CEP85L: variants seen among roughly 807,000 people sequenced by gnomAD.
CEP85L encodes the protein centrosomal protein of 85 kDa-like.
Under a neutral mutation model 100.3 loss-of-function variants are expected in CEP85L, and 60 were observed. That is an observed-to-expected ratio of 0.60 (90% CI 0.49 to 0.74). The LOEUF (loss-of-function observed/expected upper bound fraction) is 0.74. CEP85L is among the 30% of genes least tolerant of loss of function. The pLI is 0.00. For synonymous variants in CEP85L, 319 were observed against 322.7 expected (o/e 0.99, Z 0.12); for missense variants, 973 against 936.2 (o/e 1.04, Z -0.51).
At chr6:118,537,684 T>C (rs770638716) in intron 3 of CEP85L, 35 of 985,402 alleles carry the variant, frequency 3.6e-5, no homozygotes, top group East Asian at 1.1e-4. Context: ...AAAAGTTTAC[T>C]GTAGTGCAGC....
intron 2 of CEP85L, among the ~76,000 whole-genome samples, chr6:118,603,176 T>C (rs1448328416): frequency 6.6e-6 from 1 of 152,154 alleles, no homozygotes; most frequent in Non-Finnish European, 1.5e-5. Context: ...CTCAAGTAGC[T>C]ATGAATTGGG....
intron 5 of CEP85L, among the ~76,000 whole-genome samples, chr6:118,492,777 A>G (rs137983951): frequency 6.6e-6 from 1 of 152,162 alleles, no homozygotes; most frequent in South Asian, 2.1e-4. Context: ...TGTGTCATAC[A>G]CAAAAAGACC....
intron 5 of CEP85L, among the ~76,000 whole-genome samples, chr6:118,496,133 G>GT (rs1288423109): frequency 6.6e-6 from 1 of 152,164 alleles, no homozygotes; most frequent in Non-Finnish European, 1.5e-5. Context: ...ACTTCTGCAT[G>GT]TGACTCCACA....
At chr6:118,493,833 C>T (rs1239639654) in intron 5 of CEP85L, among the ~76,000 whole-genome samples, 1 of 151,984 alleles carries the variant, frequency 6.6e-6, no homozygotes, top group Non-Finnish European at 1.5e-5. Context: ...TTTGAATATA[C>T]AAGTACAGAT....
intron 1 of CEP85L, among the ~76,000 whole-genome samples, chr6:118,704,457 G>C (rs976208959): frequency 1.2e-4 from 18 of 152,034 alleles, no homozygotes; most frequent in Non-Finnish European, 1.6e-4. Context: ...AAACAGCCTA[G>C]TGTTCTGTTT....
At chr6:118,708,919 A>C (rs560754934) in intron 1 of CEP85L, among the ~76,000 whole-genome samples, 14 of 152,222 alleles carry the variant, frequency 9.2e-5, no homozygotes, top group Non-Finnish European at 1.5e-4. Flanking sequence ...CATGAACTTT[A>C]AATGCCAAAA....
At chr6:118,704,042 C>T (rs1047981846) in intron 1 of CEP85L, among the ~76,000 whole-genome samples, 5 of 151,992 alleles carry the variant, frequency 3.3e-5, no homozygotes, top group African/African-American at 1.2e-4. Context: ...TTTTAAGAGA[C>T]AAATATAGAA....
chr6:118,666,528 C>T (rs1776138899), intron 1 of CEP85L, among the ~76,000 whole-genome samples: 1 of 152,154 alleles, frequency 6.6e-6, no homozygotes, highest in Non-Finnish European at 1.5e-5. Flanking sequence ...CTAAGAGCTT[C>T]AGGGGCATTA....
chr6:118,489,159 C>T (rs898854005), intron 6 of CEP85L, among the ~76,000 whole-genome samples: 6 of 151,236 alleles, frequency 4.0e-5, no homozygotes, highest in Admixed American at 2.0e-4. Flanking sequence ...CCCAGCTACT[C>T]GGGAGGCTGA....
At chr6:118,498,224 T>A (rs1348877026) in intron 5 of CEP85L, among the ~76,000 whole-genome samples, 1 of 152,194 alleles carries the variant, frequency 6.6e-6, no homozygotes, top group African/African-American at 2.4e-5. Flanking sequence ...GGGAAATGGT[T>A]GGCTCATGCC....
intron 3 of CEP85L, among the ~76,000 whole-genome samples, chr6:118,562,374 T>A (rs77992383): frequency 6.6e-6 from 1 of 152,152 alleles, no homozygotes; most frequent in African/African-American, 2.4e-5. Context: ...TTTTTTTTTT[T>A]AAATCAAGAG....
In CEP85L at chr6:118,567,233, GTGTGTGTGTGTGTGTGTATATATA is replaced by G. The variant is rs1305546198; in HGVS notation, c.233-941_233-918del. On this transcript the variant is annotated intron_variant, in intron 2 of 12. Coordinates refer to ENST00000368491, the MANE Select transcript of CEP85L (RefSeq NM_001042475.3). The stretch of plus-strand genomic sequence containing the variant: ...TATGTGTGTGTGTGTGTGTGTGTGT[GTGTGTGTGTGTGTGTGTATATATA>G]TATATATATATATATATATATATAT... 7.2e-3 allele frequency among the ~76,000 whole-genome samples: 617 copies of G among 85,822 alleles called. 6 individuals carry two copies. The highest frequency in any genetic ancestry group is 0.024 in the African/African-American group (566 of 23,238). The allele number at this position is 85,822 out of a possible 152,430, so 56.3% of individuals were successfully genotyped here. A position where few individuals can be genotyped will look rare whatever the true frequency, so the allele number is the denominator to read the frequency against.
In CEP85L at chr6:118,504,044, AAAAC is replaced by A. The variant is rs1044546898; in HGVS notation, c.1257+7250_1257+7253del. Among the ~76,000 whole-genome samples the A allele has an allele frequency of 3.3e-5, 5 of 152,166 alleles. No homozygotes were observed. In the South Asian group the frequency reaches 6.2e-4, roughly 19 times the overall value. On this transcript the variant is annotated intron_variant, in intron 5 of 12. Coordinates refer to ENST00000368491, the MANE Select transcript of CEP85L (RefSeq NM_001042475.3). Reference sequence around the variant, plus strand: ...ATTTGTAAAAGATGCATCTGATCTAAAAACAAACAAACAAAAAAAACCTGTTATC... The same window carrying A: ...ATTTGTAAAAGATGCATCTGATCTAAAAACAAACAAAAAAAACCTGTTATC...
At chr6:118,661,549 A>T (rs1028629539) in intron 1 of CEP85L, among the ~76,000 whole-genome samples, 2 of 152,056 alleles carry the variant, frequency 1.3e-5, no homozygotes, top group African/African-American at 2.4e-5. Context: ...GGTTTATTTT[A>T]GTTAAAATGT....
chr6:118,539,730 T>G (rs929730337), intron 3 of CEP85L, among the ~76,000 whole-genome samples: 1 of 152,066 alleles, frequency 6.6e-6, no homozygotes, highest in Non-Finnish European at 1.5e-5. Context: ...GCATTAGGTA[T>G]TTATCATGAT....
At chr6:118,679,697 G>A (rs1357369575) in intron 1 of CEP85L, among the ~76,000 whole-genome samples, 1 of 152,170 alleles carries the variant, frequency 6.6e-6, no homozygotes, top group Non-Finnish European at 1.5e-5. Context: ...GGGCCCACTT[G>A]AGGGGCATTC....
Position 118,632,020 on chromosome 6 carries a change from C to T in CEP85L, c.232+433G>A, listed in dbSNP as rs1029226570. 1.2e-4 allele frequency among the ~76,000 whole-genome samples: 18 copies of T among 152,204 alleles called. No individual in the cohort carries two copies. In the East Asian group the frequency reaches 2.5e-3, roughly 21 times the overall value. On this transcript the variant is annotated intron_variant, in intron 2 of 12. Transcript: ENST00000368491. ...ATTTTCTTTTTTTGAGATGGAGTCT[C>T]GCTCTGTCCCCCAGGCTGGAGTGCA...
intron 3 of CEP85L, among the ~76,000 whole-genome samples, chr6:118,538,374 A>G (rs1319175301): frequency 6.6e-6 from 1 of 151,974 alleles, no homozygotes; most frequent in Non-Finnish European, 1.5e-5. Context: ...AGACCCTGAA[A>G]AAATGATAAA....
intron 3 of CEP85L, among the ~76,000 whole-genome samples, chr6:118,531,435 T>C (rs1445148985): frequency 6.6e-6 from 1 of 152,132 alleles, no homozygotes; most frequent in Non-Finnish European, 1.5e-5. Context: ...GAAATACCAT[T>C]GTGGACACAG....
Sources: gnomAD v4.1 joint callset for allele counts (sites outside exome capture counted in the v4.1 genomes callset) on GRCh38, gnomAD v4.1.1 for gene constraint, MANE v1.5 for transcripts, NCBI Gene and HGNC (gene_info 2026-07-23, HGNC 2026-07-21) for gene names.